The following MYH15 variants were observed in gnomAD, a reference collection of about 807,000 sequenced individuals.
MYH15 encodes the protein myosin heavy chain 15.
In MYH15, 227 loss-of-function variants were observed where a neutral mutation model predicts 240.5. That is an observed-to-expected ratio of 0.94 (90% CI 0.85 to 1.05). The LOEUF is 1.05. Among genes scored for constraint, MYH15 ranks in the 50% least tolerant of loss-of-function variants. MYH15 has a pLI of 0.00. For synonymous variants in MYH15, 785 were observed against 796.7 expected (o/e 0.99, Z 0.25); for missense variants, 2,217 against 2,247.5 (o/e 0.99, Z 0.27).
chr3:108,511,626 A>AG (rs2107254922), upstream of MYH15, among the ~76,000 whole-genome samples: 1 of 152,318 alleles, frequency 6.6e-6, no homozygotes, highest in Non-Finnish European at 1.5e-5. Context: ...TTTGGACAAA[A>AG]AAAGTCTTCC....
chr3:108,392,160 A>G (rs1314959838), intron 36 of MYH15, among the ~76,000 whole-genome samples: 1 of 152,230 alleles, frequency 6.6e-6, no homozygotes, highest in Non-Finnish European at 1.5e-5. Context: ...TGGTGGAAAC[A>G]GACTAAAGAT....
intron 40 of MYH15, 47 bp from the exon 41 acceptor site, chr3:108,381,606 C>T (rs2082344129): frequency 1.9e-6 from 3 of 1,606,954 alleles, no homozygotes; most frequent in Non-Finnish European, 2.6e-6. Flanking sequence ...CTGTGATTTT[C>T]ACCAGTGGAA....
At chr3:108,546,729 C>CA in the MYH15 span, among the ~76,000 whole-genome samples, 12 of 151,846 alleles carry the variant, frequency 7.9e-5, no homozygotes, top group Admixed American at 5.9e-4. Flanking sequence ...GCTCAATGTG[C>CA]AAAAAAAGGT....
chr3:108,417,022 G>T, intron 28 of MYH15, 92 bp from the exon 29 acceptor site: 2 of 937,172 alleles, frequency 2.1e-6, no homozygotes, highest in South Asian at 1.5e-5. Context: ...TAGCCAGAAT[G>T]ACTCCTACCC....
chr3:108,492,653 G>T, intron 8 of MYH15, 58 bp from the exon 9 acceptor site: 1 of 1,339,456 alleles, frequency 7.5e-7, no homozygotes, highest in Non-Finnish European at 1.1e-6. Context: ...AAATGTAGAA[G>T]AAAAGTAATC....
At chr3:108,416,685 C>T in intron 29 of MYH15, 127 bp downstream of exon 29, 1 of 783,498 alleles carries the variant, frequency 1.3e-6, no homozygotes, top group Non-Finnish European at 2.1e-6. Flanking sequence ...TGGTTTTTCC[C>T]CCATAACTTC....
chr3:108,510,589 T>G lies in MYH15; in HGVS notation c.-59A>C. The G allele has an allele frequency of 6.5e-7, 1 of 1,537,842 alleles. No individual in the cohort carries two copies. The highest frequency in any genetic ancestry group is 8.7e-7 in the Non-Finnish European group (1 of 1,147,128). ...AAACGTGAGTAGGCAAGATTCAACC[T>G]GAAAAAAAAAAATTGATACAGAGAA... On this transcript the variant is annotated 5_prime_UTR_variant, in exon 1 of 41. Coordinates refer to ENST00000693548, the MANE Select transcript of MYH15 (RefSeq NM_014981.3).
rs2083025410 is a variant in MYH15 at position 108,456,902 on chromosome 3, C to T, written c.2021-19G>A. 1 of 1,547,360 alleles carries T rather than the reference C, an allele frequency of 6.5e-7. No homozygotes were observed. Among genetic ancestry groups the T allele is most frequent in the South Asian group, 1.1e-5 (1 of 87,534 alleles). ...AGTATACCTGGAAAAAAAAAAGAGT[C>T]ATGGTGGATCTGTGCCTGAAAAAAA... On this transcript the variant is annotated intron_variant, in intron 18 of 40. Coordinates refer to ENST00000693548, the MANE Select transcript of MYH15 (RefSeq NM_014981.3).
rs772437086 is a variant in MYH15 at position 108,460,285 on chromosome 3, G to A, written c.1932+15C>T. 1.2e-5 allele frequency: 19 copies of A among 1,557,128 alleles called. No individual in the cohort carries two copies. Among genetic ancestry groups the A allele is most frequent in the South Asian group, 5.0e-5 (4 of 80,796 alleles). ...TGAGGCAATTAATATATGAATAGAC[G>A]CAATTAAAAATTACTTTATGCAGAG... On this transcript the variant is annotated intron_variant, in intron 17 of 40. Coordinates refer to ENST00000693548, the MANE Select transcript of MYH15 (RefSeq NM_014981.3).
rs1432149698 is a variant in MYH15 at position 108,464,487 on chromosome 3, G to T, written c.1731+151C>A. On this transcript the variant is annotated intron_variant, in intron 15 of 40. Coordinates refer to ENST00000693548, the MANE Select transcript of MYH15 (RefSeq NM_014981.3). ...TTGTTCATTTCCTGAGTGCTAAAAG[G>T]CTACACTACCTTTTTTGTGGAACTG... is the stretch of plus-strand genomic sequence containing the variant. 15 of 804,496 alleles carry T rather than the reference G, an allele frequency of 1.9e-5. No individual in the cohort carries two copies. In the South Asian group the frequency reaches 2.1e-4, roughly 11 times the overall value. 49.8% of individuals were successfully genotyped at this position (804,496 alleles called of 1,614,324 possible).
chr3:108,463,543 G>C (rs6781698), intron 15 of MYH15, among the ~76,000 whole-genome samples: 4,892 of 151,830 alleles, frequency 0.032, 250 homozygotes, highest in African/African-American at 0.11. Context: ...CATGTTGCTC[G>C]GTTTGGTCTC....
chr3:108,430,751 G>T, intron 26 of MYH15, 81 bp downstream of exon 26: 2 of 1,101,330 alleles, frequency 1.8e-6, no homozygotes, highest in Non-Finnish European at 2.7e-6. Context: ...GAATACCTTG[G>T]CAGAGAATTA....
At chr3:108,480,172 T>A (rs1270318593) in intron 11 of MYH15, among the ~76,000 whole-genome samples, 3 of 148,704 alleles carry the variant, frequency 2.0e-5, no homozygotes, top group Non-Finnish European at 4.5e-5. Context: ...GAAAGAGCCC[T>A]TCTGGACTGC....
rs566890519 is a variant in MYH15 at position 108,488,853 on chromosome 3, C to T, written c.872-2327G>A. On this transcript the variant is annotated intron_variant, in intron 9 of 40. Coordinates refer to ENST00000693548, the MANE Select transcript of MYH15 (RefSeq NM_014981.3). Reference sequence around the variant, plus strand: ...GTTCTGTTTGTAATCTTTTGAGTGACTTTCATACCATTTTTCATAATGACT... The same window carrying T: ...GTTCTGTTTGTAATCTTTTGAGTGATTTTCATACCATTTTTCATAATGACT... Among the ~76,000 whole-genome samples, 17 of 152,278 alleles carry T rather than the reference C, an allele frequency of 1.1e-4. 1 individual carries two copies. The highest frequency in any genetic ancestry group is 7.2e-4 in the Admixed American group (11 of 15,290).
At chr3:108,421,027 T>A in intron 28 of MYH15, 61 bp downstream of exon 28, 1 of 1,605,218 alleles carries the variant, frequency 6.2e-7, no homozygotes, top group Admixed American at 1.7e-5. Flanking sequence ...ATCTCAGTTG[T>A]GCCTTCATGA....
At chr3:108,513,464 G>A (rs1449893941), upstream of MYH15, among the ~76,000 whole-genome samples, 4 of 152,254 alleles carry the variant, frequency 2.6e-5, no homozygotes, top group East Asian at 5.8e-4. Context: ...TCACTTCTAG[G>A]ACCTAGCTCT....
chr3:108,389,089 T>C lies in MYH15; in HGVS notation c.5431-15A>G, dbSNP rs768235025. Reference sequence around the variant, plus strand: ...AGTTCACGAACCTGCAACCAAAACGTGACCTCAGACCAGACGCTGCCACCA... The same window carrying C: ...AGTTCACGAACCTGCAACCAAAACGCGACCTCAGACCAGACGCTGCCACCA... On this transcript the variant is annotated splice_polypyrimidine_tract_variant and intron_variant, in intron 37 of 40. Coordinates refer to ENST00000693548, the MANE Select transcript of MYH15 (RefSeq NM_014981.3). 16 of 1,612,168 alleles carry C rather than the reference T, an allele frequency of 9.9e-6. No homozygotes were observed. The highest frequency in any genetic ancestry group is 8.3e-5 in the Admixed American group (5 of 59,940).
chr3:108,412,604 G>A (rs772621128), intron 30 of MYH15, among the ~76,000 whole-genome samples: 8 of 152,162 alleles, frequency 5.3e-5, no homozygotes, highest in South Asian at 2.1e-4. Flanking sequence ...TTTGTTCTAC[G>A]TTTAATATCA....
chr3:108,459,230 T>A (rs1029799432), intron 18 of MYH15, 132 bp downstream of exon 18: 1 of 602,480 alleles, frequency 1.7e-6, no homozygotes. Context: ...ATTTTTAACA[T>A]ATTTTCATTT....
Sources: gnomAD v4.1 joint callset for allele counts (sites outside exome capture counted in the v4.1 genomes callset) on GRCh38, gnomAD v4.1.1 for gene constraint, MANE v1.5 for transcripts, NCBI Gene and HGNC (gene_info 2026-07-23, HGNC 2026-07-21) for gene names.